The following GOLGB1 variants were observed in gnomAD, a reference collection of about 807,000 sequenced individuals.
GOLGB1 encodes golgin B1.
A neutral mutation model predicts 336.9 loss-of-function variants in GOLGB1; 174 were observed. That is an observed-to-expected ratio of 0.52 (90% CI 0.46 to 0.59). The LOEUF (loss-of-function observed/expected upper bound fraction) is 0.59. Ranked by LOEUF, GOLGB1 falls within the 20% of genes least tolerant of loss-of-function variation. The pLI is 0.00. For synonymous variants in GOLGB1, 1,208 were observed against 1,289.2 expected (o/e 0.94, Z 1.35); for missense variants, 3,331 against 3,645.3 (o/e 0.91, Z 2.22).
At chr3:121,738,659 A>C (rs1946646984) in intron 1 of GOLGB1, among the ~76,000 whole-genome samples, 1 of 152,224 alleles carries the variant, frequency 6.6e-6, no homozygotes, top group African/African-American at 2.4e-5. Context: ...ACGAGGGCTG[A>C]AAGAGCTGAG....
intron 1 of GOLGB1, among the ~76,000 whole-genome samples, chr3:121,736,155 C>T (rs529305220): frequency 5.9e-5 from 9 of 152,266 alleles, no homozygotes; most frequent in African/African-American, 1.9e-4. Context: ...ATGGTAGAGA[C>T]AAATCTTCCT....
chr3:121,684,885 G>A (rs1941555123), intron 14 of GOLGB1, among the ~76,000 whole-genome samples: 1 of 152,114 alleles, frequency 6.6e-6, no homozygotes, highest in South Asian at 2.1e-4. Context: ...AAATATTCTG[G>A]GATAGAAAGG....
intron 17 of GOLGB1, among the ~76,000 whole-genome samples, chr3:121,672,246 C>G (rs529590553): frequency 2.6e-4 from 40 of 152,338 alleles, no homozygotes; most frequent in African/African-American, 8.9e-4. Context: ...ACATTGCTAA[C>G]AGTGTATGGG....
At chr3:121,716,389 C>T (rs767444388) in intron 9 of GOLGB1, among the ~76,000 whole-genome samples, 3 of 152,146 alleles carry the variant, frequency 2.0e-5, no homozygotes, top group Non-Finnish European at 4.4e-5. Flanking sequence ...AGTCTCCTAA[C>T]CTATGCACCT....
intron 1 of GOLGB1, among the ~76,000 whole-genome samples, chr3:121,735,676 G>T (rs541884452): frequency 6.6e-6 from 1 of 152,160 alleles, no homozygotes; most frequent in Admixed American, 6.5e-5. Context: ...AGAGATATCA[G>T]TATGAACTCA....
At chr3:121,667,650 A>C in intron 19 of GOLGB1, 40 bp from the exon 20 acceptor site, 2 of 1,598,114 alleles carry the variant, frequency 1.3e-6, no homozygotes, top group Non-Finnish European at 1.7e-6. Flanking sequence ...CATCAGATGC[A>C]GAAAACAGTT....
intron 14 of GOLGB1, among the ~76,000 whole-genome samples, chr3:121,682,707 C>A (rs1291691661): frequency 6.6e-6 from 1 of 152,172 alleles, no homozygotes; most frequent in African/African-American, 2.4e-5. Context: ...ATACCTCTTT[C>A]ACCCACTTAG....
rs191635118 is a variant in GOLGB1 at position 121,711,264 on chromosome 3, T to G, written c.1404+3597A>C. ...ACATTTGTTATTACTCATAGAAGAATCACATAGCCTAGAAATATAAAAAAA... is the reference window on the plus strand; with the variant it reads ...ACATTTGTTATTACTCATAGAAGAAGCACATAGCCTAGAAATATAAAAAAA... On this transcript the variant is annotated intron_variant, in intron 10 of 21. Transcript: ENST00000614479. 3.6e-3 allele frequency among the ~76,000 whole-genome samples: 546 copies of G among 151,714 alleles called. 3 individuals are homozygous for G. Among genetic ancestry groups the G allele is most frequent in the African/African-American group, 0.013 (524 of 41,360 alleles).
intron 14 of GOLGB1, among the ~76,000 whole-genome samples, chr3:121,689,646 AT>A (rs781435852): frequency 0.012 from 1,632 of 134,472 alleles, 27 homozygotes; most frequent in African/African-American, 0.039. Context: ...AGAATGATCA[AT>A]TAAAAAAAAA....
chr3:121,744,769 G>C (rs11918706), intron 1 of GOLGB1, among the ~76,000 whole-genome samples: 1 of 152,084 alleles, frequency 6.6e-6, no homozygotes, highest in East Asian at 1.9e-4. Flanking sequence ...AAAAATCTGA[G>C]AGAGTGCTAG....
chr3:121,666,497 G>C (rs1938636077), intron 20 of GOLGB1, among the ~76,000 whole-genome samples: 1 of 152,172 alleles, frequency 6.6e-6, no homozygotes, highest in Admixed American at 6.5e-5. Flanking sequence ...GAGATGGCAA[G>C]ACACCACACA....
At chr3:121,712,253 G>A (rs1216838373) in intron 10 of GOLGB1, among the ~76,000 whole-genome samples, 2 of 151,974 alleles carry the variant, frequency 1.3e-5, no homozygotes, top group South Asian at 2.1e-4. Context: ...CGAAATATCC[G>A]TACAGGAAAA....
In GOLGB1 at chr3:121,690,682, G is replaced by T; in HGVS notation, c.8682C>A (p.Asp2894Glu). 6.7e-7 allele frequency: 1 copy of T among 1,502,696 alleles called. No homozygotes were observed. Among genetic ancestry groups the T allele is most frequent in the Non-Finnish European group, 8.9e-7 (1 of 1,124,466 alleles). The allele number at this position is 1,502,696 out of a possible 1,614,324, so 93.1% of individuals were successfully genotyped here. ...ACTAGCTACTCACTAGTCTGTCTCT[G>T]TCATTTTGGAGTGAAGACATAGCTT... is the stretch of plus-strand genomic sequence containing the variant. ...LKKAMSSLQN[D>E]RDRLLKELKN... Residue 2894 changes from aspartate to glutamate, a missense_variant, in exon 14 of 22, where the codon GAC becomes GAA. Transcript: ENST00000614479.
Position 121,668,156 on chromosome 3 carries a change from C to A in GOLGB1, c.9324G>T (p.Gly3108=), listed in dbSNP as rs779496010. The A allele has an allele frequency of 3.8e-6, 6 of 1,562,074 alleles. No individual in the cohort carries two copies. Among genetic ancestry groups the A allele is most frequent in the Non-Finnish European group, 5.3e-6 (6 of 1,140,348 alleles). The part of the protein sequence containing the change: ...LEKQVQELQA[G]PLNIDVAPGA... ...CTGGAGCAACATCTATATTTAGTGGCCCCTGGAAGAAGAATAAGCTTAGTA... is the reference window on the plus strand; with the variant it reads ...CTGGAGCAACATCTATATTTAGTGGACCCTGGAAGAAGAATAAGCTTAGTA... The change falls in exon 19 of 22, where the codon GGG becomes GGT. Residue 3108 remains glycine (G), a splice_region_variant and synonymous_variant. Transcript: ENST00000614479.
intron 18 of GOLGB1, 78 bp downstream of exon 18, chr3:121,669,134 A>G: frequency 7.1e-7 from 1 of 1,408,398 alleles, no homozygotes; most frequent in Admixed American, 1.9e-5. Flanking sequence ...AACTTCTTCC[A>G]TACTGCTCTG....
chr3:121,683,547 C>T (rs866429402), intron 14 of GOLGB1, among the ~76,000 whole-genome samples: 4 of 152,176 alleles, frequency 2.6e-5, no homozygotes, highest in East Asian at 3.9e-4. Flanking sequence ...AATGAAACTC[C>T]GTTGGTAAGT....
chr3:121,683,604 T>C (rs987361032), intron 14 of GOLGB1, among the ~76,000 whole-genome samples: 1 of 152,018 alleles, frequency 6.6e-6, no homozygotes, highest in Admixed American at 6.6e-5. Flanking sequence ...GAAGAGTACA[T>C]TGAGGATTAA....
chr3:121,699,957 G>C, intron 11 of GOLGB1, 72 bp from the exon 12 acceptor site: 1 of 849,942 alleles, frequency 1.2e-6, no homozygotes, highest in Non-Finnish European at 1.9e-6. Flanking sequence ...TGCATGTGAA[G>C]CTATTTGAAT....
At chr3:121,723,237 A>G (rs1292940057) in intron 5 of GOLGB1, among the ~76,000 whole-genome samples, 4 of 152,244 alleles carry the variant, frequency 2.6e-5, no homozygotes, top group Non-Finnish European at 1.5e-5. Context: ...ATTAAGTACA[A>G]CTTTGTTTTG....
Sources: allele counts gnomAD v4.1 joint callset (sites outside exome capture counted in the v4.1 genomes callset), GRCh38; gene constraint gnomAD v4.1.1; transcripts MANE v1.5; gene names NCBI Gene and HGNC (gene_info 2026-07-23, HGNC 2026-07-21).